The following RABL2A variants were observed in gnomAD, a reference collection of about 807,000 sequenced individuals.
The protein encoded by RABL2A is rab-like protein 2A.
RABL2A carries 17 observed loss-of-function variants against 30.7 expected under a neutral mutation model. The ratio of observed to expected loss-of-function variants is 0.55; its 90% CI spans 0.38 to 0.83. RABL2A has a LOEUF of 0.83. Among genes scored for constraint, RABL2A ranks in the 40% least tolerant of loss-of-function variants. RABL2A has a pLI of 0.00. For synonymous variants in RABL2A, 64 were observed against 101.8 expected, an observed-to-expected ratio of 0.63 and a Z score of 2.24; for missense variants, 155 against 272.6, an observed-to-expected ratio of 0.57 and a Z score of 3.04.
At chr2:113,628,788 G>A (rs1679099103) in intron 2 of RABL2A, 75 bp downstream of exon 2, 1 of 717,350 alleles carries the variant, frequency 1.4e-6, no homozygotes, top group East Asian at 2.7e-5. Context: ...TCCAGAGGCA[G>A]AGGAGCATGG....
chr2:113,641,186 C>G, intron 6 of RABL2A, 167 bp from the exon 7 acceptor site: 1 of 1,129,248 alleles, frequency 8.9e-7, no homozygotes, highest in Non-Finnish European at 1.3e-6. Flanking sequence ...CTAAGCCGAC[C>G]TGCCCTCTTT....
intron 5 of RABL2A, among the ~76,000 whole-genome samples, chr2:113,636,685 T>C (rs1682859605): frequency 6.6e-6 from 1 of 152,022 alleles, no homozygotes; most frequent in Non-Finnish European, 1.5e-5. Context: ...ATTGTTGGCA[T>C]ACATTAATAA....
Position 113,643,149 on chromosome 2 carries a change from A to G in RABL2A, c.*1020A>G, listed in dbSNP as rs1574157820. ...GGACTACAAGAAGAGCTTCCTTTAA[A>G]GTTCCTATTTCAGCATAAAGAGGCT... On this transcript the variant is annotated 3_prime_UTR_variant, in exon 9 of 9. Transcript: ENST00000683472. 1 of 454,996 alleles carries G rather than the reference A, an allele frequency of 2.2e-6. No homozygotes were observed. The highest frequency in any genetic ancestry group is 2.4e-5 in the Admixed American group (1 of 42,154). The allele number at this position is 454,996 out of a possible 1,614,324, so 28.2% of individuals were successfully genotyped here.
chr2:113,641,004 T>C lies in RABL2A; in HGVS notation c.408T>C (p.Asp136=), dbSNP rs756700855. The C allele has an allele frequency of 3.1e-6, 5 of 1,613,268 alleles. No homozygotes were observed. In the Admixed American group the frequency reaches 6.7e-5, roughly 22 times the overall value. The change falls in exon 6 of 9, where the codon GAT becomes GAC. Residue 136 remains aspartate, a splice_region_variant and synonymous_variant. Coordinates refer to ENST00000683472, the MANE Select transcript of RABL2A (RefSeq NM_001306158.2). ...IPCIVVANKI[D]ADINVTQKSF... is the part of the protein sequence containing the mutation. ...GCATCGTGGTGGCCAATAAAATTGATGGTGGGGCCATCCCTGCACCTGGGT... is the reference window on the plus strand; with the variant it reads ...GCATCGTGGTGGCCAATAAAATTGACGGTGGGGCCATCCCTGCACCTGGGT...
chr2:113,636,475 TCA>T (rs1332673258), intron 5 of RABL2A, among the ~76,000 whole-genome samples: 1 of 152,214 alleles, frequency 6.6e-6, no homozygotes, highest in Non-Finnish European at 1.5e-5. Flanking sequence ...TTGGGTTTGC[TCA>T]CAGAGTATCA....
At chr2:113,629,870 T>C (rs1679642511) in intron 2 of RABL2A, among the ~76,000 whole-genome samples, 1 of 152,062 alleles carries the variant, frequency 6.6e-6, no homozygotes, top group Non-Finnish European at 1.5e-5. Flanking sequence ...ACTTTGACCA[T>C]CCTCAACAGC....
chr2:113,635,954 A>C (rs995700910), intron 5 of RABL2A, among the ~76,000 whole-genome samples: 1 of 150,680 alleles, frequency 6.6e-6, no homozygotes, highest in Non-Finnish European at 1.5e-5. Flanking sequence ...TAAAAATACA[A>C]AAAATTAGCC....
intron 5 of RABL2A, chr2:113,635,622 G>T: frequency 4.9e-6 from 1 of 204,418 alleles, no homozygotes; most frequent in Non-Finnish European, 1.0e-5. Context: ...GCTCCACCCT[G>T]GTGACCCGGG....
chr2:113,633,409 G>A (rs1316848049), intron 3 of RABL2A: 2 of 241,590 alleles, frequency 8.3e-6, no homozygotes, highest in East Asian at 1.1e-4. Flanking sequence ...TAGGTTTGGA[G>A]TGAGTTCCTC....
chr2:113,640,896 G>A lies in RABL2A; in HGVS notation c.300G>A (p.Val100=). 6.2e-7 allele frequency: 1 copy of A among 1,613,944 alleles called. No homozygotes were observed. Among genetic ancestry groups the A allele is most frequent in the South Asian group, 1.1e-5 (1 of 91,074 alleles). Reference sequence around the variant, plus strand: ...CTTTCTTCCTCTGCCCTTTGCAGGTGTTTGATATACAGAGGAAAGTCACCT... The same window carrying A: ...CTTTCTTCCTCTGCCCTTTGCAGGTATTTGATATACAGAGGAAAGTCACCT... ...YYHKAHACIM[V]FDIQRKVTYR... is the part of the protein sequence containing the mutation. The change falls in exon 6 of 9, where the codon GTG becomes GTA. Residue 100 remains valine, a splice_region_variant and synonymous_variant. Coordinates refer to ENST00000683472, the MANE Select transcript of RABL2A (RefSeq NM_001306158.2).
At chr2:113,629,819 T>C (rs543393213) in intron 2 of RABL2A, among the ~76,000 whole-genome samples, 1 of 152,316 alleles carries the variant, frequency 6.6e-6, no homozygotes, top group East Asian at 1.9e-4. Flanking sequence ...ATTATAGGCA[T>C]GAGCCACCGC....
chr2:113,643,304 A>T lies in RABL2A; in HGVS notation c.*1175A>T, dbSNP rs896949590. On this transcript the variant is annotated 3_prime_UTR_variant, in exon 9 of 9. Transcript: ENST00000683472. ...TGTGGCTTGCTAGTATGTTTTTATG[A>T]TAATCTCGGGCATTGTTTGCATTGT... The T allele has an allele frequency of 2.6e-5, 9 of 349,498 alleles. No individual in the cohort carries two copies. The highest frequency in any genetic ancestry group is 4.5e-5 in the Non-Finnish European group (8 of 177,350). 21.6% of individuals were successfully genotyped at this position (349,498 alleles called of 1,614,324 possible).
rs1435010309 is a variant in RABL2A at position 113,640,900 on chromosome 2, G to C, written c.304G>C (p.Asp102His). Residue 102 changes from aspartate (D) to histidine (H), a missense_variant, in exon 6 of 9, where the codon GAT (aspartate) becomes CAT (histidine). This residue lies in a region of RABL2A where 82 missense variants were observed against 103.2 expected (regional missense o/e 0.79). Transcript: ENST00000683472. ...HKAHACIMVF[D>H]IQRKVTYRNL... The stretch of plus-strand genomic sequence containing the variant: ...CTTCCTCTGCCCTTTGCAGGTGTTT[G>C]ATATACAGAGGAAAGTCACCTATAG... The C allele has an allele frequency of 3.1e-6, 5 of 1,613,822 alleles. No homozygotes were observed. In the South Asian group the frequency reaches 4.4e-5, roughly 14 times the overall value.
rs1416635271 is a variant in RABL2A, at chr2:113,634,204, C to T, written c.189C>T (p.Ala63=). Residue 63 remains alanine, a synonymous_variant, in exon 4 of 9, where the codon GCC becomes GCT. Transcript: ENST00000683472. ...CCCTGACCCTGTACAAGCACACAGC[C>T]ACGGTAGATGGCAAGACCATCCTTG... is the stretch of plus-strand genomic sequence containing the variant. The part of the protein sequence containing the change: ...TYALTLYKHT[A]TVDGKTILVD... The T allele has an allele frequency of 5.0e-6, 8 of 1,613,080 alleles. No individual in the cohort carries two copies. The South Asian group carries it at 8.8e-5, about 18-fold the overall frequency.
At chr2:113,629,097 G>C (rs1679253217) in intron 2 of RABL2A, among the ~76,000 whole-genome samples, 1 of 151,606 alleles carries the variant, frequency 6.6e-6, no homozygotes, top group Non-Finnish European at 1.5e-5. Flanking sequence ...GGGACTCTCT[G>C]AAATAGAGAA....
At chr2:113,640,091 G>A (rs550414925) in intron 5 of RABL2A, 2 of 151,924 alleles carry the variant, frequency 1.3e-5, no homozygotes, top group African/African-American at 4.8e-5. Context: ...AGGTTACAGT[G>A]AGCTGTGATT....
intron 2 of RABL2A, among the ~76,000 whole-genome samples, chr2:113,629,507 A>T (rs1395027371): frequency 8.0e-5 from 12 of 150,172 alleles, no homozygotes; most frequent in Non-Finnish European, 1.8e-4. Context: ...TCCCCACCAC[A>T]CAATCACACA....
rs1667097 is a variant in RABL2A at position 113,627,286 on chromosome 2, T to C, written c.-168T>C. 0.66 allele frequency: 76,734 copies of C among 116,784 alleles called. 28,779 individuals are homozygous for C. The highest frequency in any genetic ancestry group is 0.91 in the African/African-American group (25,917 of 28,394). The allele number at this position is 116,784 out of a possible 1,614,324, so 7.2% of individuals were successfully genotyped here. A position where few individuals can be genotyped will look rare whatever the true frequency, so the allele number is the denominator to read the frequency against. On this transcript the variant is annotated 5_prime_UTR_variant, in exon 1 of 9. Coordinates refer to ENST00000683472, the MANE Select transcript of RABL2A (RefSeq NM_001306158.2). ...GAGCCGGAAGTGGAGTGCGCTGCGG[T>C]GCGAGCTGGGCCGGCGGGGTGGTTC...
intron 4 of RABL2A, chr2:113,634,745 C>G (rs539361296): frequency 4.2e-6 from 2 of 470,848 alleles, no homozygotes; most frequent in South Asian, 4.1e-5. Flanking sequence ...CTTAGAGGAC[C>G]CTGCGTGTCA....
Sources: allele counts gnomAD v4.1 joint callset (sites outside exome capture counted in the v4.1 genomes callset), GRCh38; gene constraint gnomAD v4.1.1; regional missense constraint gnomAD v4.1.1; transcripts MANE v1.5; gene names NCBI Gene and HGNC (gene_info 2026-07-23, HGNC 2026-07-21).